GPNMB: variants seen among roughly 807,000 people sequenced by gnomAD.
GPNMB encodes the protein transmembrane glycoprotein NMB.
In GPNMB, 71 loss-of-function variants were observed where a neutral mutation model predicts 57.3. That is an observed-to-expected ratio of 1.24 (90% confidence interval 1.02 to 1.51). The LOEUF (loss-of-function observed/expected upper bound fraction) is 1.51. Ranked by LOEUF, GPNMB falls within the 40% of genes most tolerant of loss-of-function variation. GPNMB has a pLI of 0.00. For synonymous variants in GPNMB, 253 were observed against 263.2 expected (o/e 0.96, Z 0.38); for missense variants, 677 against 691.9 (o/e 0.98, Z 0.24).
rs1782724674 is a variant in GPNMB at position 23,254,225 on chromosome 7, A to G, written c.280A>G (p.Ile94Val). 6.2e-7 allele frequency: 1 copy of G among 1,614,052 alleles called. No individual in the cohort carries two copies. The highest frequency in any genetic ancestry group is 8.5e-7 in the Non-Finnish European group (1 of 1,179,890). ...SDSPALVGSN[I>V]TFAVNLIFPR... Reference sequence around the variant, plus strand: ...CTCACCAGCCCTCGTGGGCTCAAATATAACATTTGCGGTGAACCTGATATT... The same window carrying G: ...CTCACCAGCCCTCGTGGGCTCAAATGTAACATTTGCGGTGAACCTGATATT... Residue 94 changes from isoleucine (I) to valine (V), a missense_variant, in exon 3 of 11, where the codon ATA (isoleucine) becomes GTA (valine). Physicochemically the swap from Ile to Val is conservative, Grantham distance 29 (BLOSUM62 3). Coordinates refer to ENST00000258733, the MANE Select transcript of GPNMB (RefSeq NM_002510.3).
At chr7:23,273,733 A>T in intron 10 of GPNMB, 119 bp downstream of exon 10, 2 of 684,268 alleles carry the variant, frequency 2.9e-6, no homozygotes, top group South Asian at 3.6e-5. Context: ...TAGGGGAGGA[A>T]AATATTACAT....
intron 7 of GPNMB, 30 bp from the exon 8 acceptor site, chr7:23,267,856 T>C (rs156426): frequency 0.037 from 48,430 of 1,314,468 alleles, 1,579 homozygotes; most frequent in South Asian, 0.1. Flanking sequence ...TGTATTTTGA[T>C]GTGTTTTTCT....
chr7:23,254,142 A>T, intron 2 of GPNMB, 27 bp from the exon 3 acceptor site: 1 of 1,587,190 alleles, frequency 6.3e-7, no homozygotes, highest in Non-Finnish European at 8.5e-7. Context: ...ATGCTGGATC[A>T]TCGAGCCCCA....
intron 3 of GPNMB, among the ~76,000 whole-genome samples, chr7:23,255,806 C>T (rs1782762853): frequency 6.6e-6 from 1 of 152,158 alleles, no homozygotes; most frequent in Admixed American, 6.5e-5. Flanking sequence ...TATTTTGATA[C>T]ATGCATACAA....
chr7:23,266,398 T>G, intron 6 of GPNMB, 119 bp from the exon 7 acceptor site: 1 of 898,660 alleles, frequency 1.1e-6, no homozygotes, highest in Non-Finnish European at 1.8e-6. Flanking sequence ...TTTCATAGTA[T>G]AGTGTTCCTG....
At chr7:23,270,323 C>T in intron 9 of GPNMB, 148 bp downstream of exon 9, 2 of 606,950 alleles carry the variant, frequency 3.3e-6, no homozygotes, top group East Asian at 2.8e-5. Context: ...GATCTGAGGA[C>T]TGGCATTACA....
At chr7:23,260,194 G>T in intron 5 of GPNMB, 56 bp downstream of exon 5, 2 of 1,580,346 alleles carry the variant, frequency 1.3e-6, no homozygotes, top group Admixed American at 3.4e-5. Flanking sequence ...TGACGTCAAT[G>T]GGTTAAAAAA....
intron 9 of GPNMB, among the ~76,000 whole-genome samples, chr7:23,271,396 A>G (rs1018453879): frequency 2.0e-5 from 3 of 152,140 alleles, no homozygotes; most frequent in Non-Finnish European, 4.4e-5. Context: ...ACAATCTAAT[A>G]GCTCATTCAC....
chr7:23,260,187 C>T (rs760937296), intron 5 of GPNMB, 49 bp downstream of exon 5: 28 of 1,586,430 alleles, frequency 1.8e-5, no homozygotes, highest in Non-Finnish European at 2.2e-5. Flanking sequence ...ATTCTGTTGA[C>T]GTCAATGGGT....
At chr7:23,270,316 C>T in intron 9 of GPNMB, 141 bp downstream of exon 9, 1 of 616,850 alleles carries the variant, frequency 1.6e-6, no homozygotes, top group South Asian at 2.0e-5. Flanking sequence ...TAATAAGGAT[C>T]TGAGGACTGG....
intron 9 of GPNMB, 32 bp from the exon 10 acceptor site, chr7:23,273,489 C>T (rs763337542): frequency 1.4e-6 from 2 of 1,401,812 alleles, no homozygotes; most frequent in Non-Finnish European, 2.0e-6. Context: ...AGGTGGAAGA[C>T]ATAACTAACA....
rs375028722 is a variant in GPNMB at position 23,267,919 on chromosome 7, C to T, written c.1151C>T (p.Thr384Ile). The change falls in exon 8 of 11, where the codon ACA becomes ATA. Residue 384 changes from threonine (T) to isoleucine (I), a missense_variant. Coordinates refer to ENST00000258733, the MANE Select transcript of GPNMB (RefSeq NM_002510.3). The stretch of plus-strand genomic sequence containing the variant: ...TTAGAGGTTAACATCATCCAGATGA[C>T]AGACGTCCTGATGCCGGTGCCATGG... ...GILEVNIIQM[T>I]DVLMPVPWPE... 2.4e-5 allele frequency: 39 copies of T among 1,613,216 alleles called. No homozygotes were observed. The highest frequency in any genetic ancestry group is 3.3e-5 in the Non-Finnish European group (39 of 1,179,288).
At chr7:23,264,008 G>A (rs189002934) in intron 6 of GPNMB, among the ~76,000 whole-genome samples, 2 of 151,266 alleles carry the variant, frequency 1.3e-5, no homozygotes, top group East Asian at 3.9e-4. Context: ...TCTGAGGGCA[G>A]ATGCATGTGT....
chr7:23,268,021 G>A (rs1369794404), intron 8 of GPNMB, 33 bp downstream of exon 8: 1 of 970,996 alleles, frequency 1.0e-6, no homozygotes, highest in Non-Finnish European at 1.6e-6. Flanking sequence ...AGGCATGGGT[G>A]GGTCAACTGA....
At chr7:23,250,346 TCCTGAAGATTTCA>T (rs1782632735) in intron 1 of GPNMB, among the ~76,000 whole-genome samples, 1 of 152,218 alleles carries the variant, frequency 6.6e-6, no homozygotes, top group Non-Finnish European at 1.5e-5. Flanking sequence ...TAGTCCTAGA[TCCTGAAGATTTCA>T]CCTATGCTTT....
At chr7:23,261,926 C>T (rs1782934488) in intron 6 of GPNMB, among the ~76,000 whole-genome samples, 1 of 152,134 alleles carries the variant, frequency 6.6e-6, no homozygotes, top group South Asian at 2.1e-4. Flanking sequence ...CCATCTGATT[C>T]CCCACGCTAC....
At chr7:23,271,957 G>A (rs1281245915) in intron 9 of GPNMB, among the ~76,000 whole-genome samples, 1 of 152,124 alleles carries the variant, frequency 6.6e-6, no homozygotes, top group Non-Finnish European at 1.5e-5. Flanking sequence ...GATATCCAAG[G>A]TGCAGATTTA....
rs185360148 is a variant in GPNMB at position 23,269,593 on chromosome 7, C to T, written c.1221-374C>T. Among the ~76,000 whole-genome samples, 31 of 152,358 alleles carry T rather than the reference C, an allele frequency of 2.0e-4. 1 individual carries two copies. Among genetic ancestry groups the T allele is most frequent in the African/African-American group, 5.0e-4 (21 of 41,590 alleles). ...ACCTAGGCAGGGCCAACTATGGCAT[C>T]TAATAATATGTCTGCCTAACACCCA... On this transcript the variant is annotated intron_variant, in intron 8 of 10. Transcript: ENST00000258733.
intron 4 of GPNMB, chr7:23,257,855 G>C (rs958050487): frequency 6.6e-6 from 1 of 152,096 alleles, no homozygotes; most frequent in African/African-American, 2.4e-5. Flanking sequence ...ATTAATACCA[G>C]AGATTATAAT....
Sources: allele counts gnomAD v4.1 joint callset (sites outside exome capture counted in the v4.1 genomes callset), GRCh38; gene constraint gnomAD v4.1.1; transcripts MANE v1.5; gene names NCBI Gene and HGNC (gene_info 2026-07-23, HGNC 2026-07-21).